Variants in SPPL3 observed in about 807,000 individuals in gnomAD.
The protein encoded by SPPL3 is signal peptide peptidase-like 3.
In SPPL3, 5 loss-of-function variants were observed where a neutral mutation model predicts 42.4. The ratio of observed to expected loss-of-function variants is 0.12; its 90% confidence interval spans 0.06 to 0.25. SPPL3 has a LOEUF of 0.25. SPPL3 is among the 10% of genes least tolerant of loss of function. The pLI, the probability that SPPL3 is intolerant of heterozygous loss-of-function variation, is 1.00. For missense variants in SPPL3, 235 were observed against 489.0 expected, an observed-to-expected ratio of 0.48 and a Z score of 4.90; for synonymous variants, 195 against 181.8, an observed-to-expected ratio of 1.07 and a Z score of -0.58.
intron 1 of SPPL3, among the ~76,000 whole-genome samples, chr12:120,896,316 G>A (rs1196194364): frequency 1.3e-5 from 2 of 152,160 alleles, no homozygotes; most frequent in Non-Finnish European, 2.9e-5. Flanking sequence ...AATAAAATCT[G>A]AGGGGTAACA....
intron 1 of SPPL3, among the ~76,000 whole-genome samples, chr12:120,852,701 T>TC (rs1566060803): frequency 5.2e-5 from 1 of 19,164 alleles, no homozygotes; most frequent in Non-Finnish European, 1.9e-4. Context: ...ATACATATTT[T>TC]ACATATATGA....
chr12:120,766,911 T>A (rs889041240), intron 9 of SPPL3, among the ~76,000 whole-genome samples: 1 of 152,222 alleles, frequency 6.6e-6, no homozygotes, highest in Non-Finnish European at 1.5e-5. Context: ...TTCCAGTCAC[T>A]GTGCGGGAGC....
chr12:120,839,885 G>A (rs1427113780), intron 1 of SPPL3, among the ~76,000 whole-genome samples: 1 of 152,034 alleles, frequency 6.6e-6, no homozygotes, highest in Non-Finnish European at 1.5e-5. Flanking sequence ...CAAAGCAGCA[G>A]TACTCACGAT....
Position 120,897,160 on chromosome 12 carries a change from G to A in SPPL3, c.23+6685C>T, listed in dbSNP as rs114802373. ...GACACATCACAATCCAATGGCATTT[G>A]TCATCTCTAAAATAAATGATCACGT... On this transcript the variant is annotated intron_variant, in intron 1 of 10. Coordinates refer to ENST00000353487, the MANE Select transcript of SPPL3 (RefSeq NM_139015.5). Among the ~76,000 whole-genome samples, 945 of 152,228 alleles carry A rather than the reference G, an allele frequency of 6.2e-3. 16 individuals are homozygous for A. The highest frequency in any genetic ancestry group is 0.022 in the African/African-American group (904 of 41,532).
intron 6 of SPPL3, among the ~76,000 whole-genome samples, chr12:120,779,424 G>GTAAC (rs1869445576): frequency 6.6e-6 from 1 of 152,140 alleles, no homozygotes. Flanking sequence ...TTTGGAGTAG[G>GTAAC]TAACAGGAAT....
intron 1 of SPPL3, among the ~76,000 whole-genome samples, chr12:120,872,889 T>G (rs1410916906): frequency 6.6e-6 from 1 of 152,200 alleles, no homozygotes; most frequent in Admixed American, 6.5e-5. Flanking sequence ...CTTATCTGTG[T>G]GACCAAATAC....
chr12:120,855,697 A>AAC (rs1462181507), intron 1 of SPPL3, among the ~76,000 whole-genome samples: 1 of 151,742 alleles, frequency 6.6e-6, no homozygotes, highest in East Asian at 1.9e-4. Flanking sequence ...TCCATCTCAA[A>AAC]AAAAAAAAAG....
intron 1 of SPPL3, among the ~76,000 whole-genome samples, chr12:120,814,824 G>A (rs1490116237): frequency 6.6e-6 from 1 of 151,970 alleles, no homozygotes; most frequent in Admixed American, 6.6e-5. Context: ...TTATGAAATA[G>A]GTAGAATATT....
rs142424551 is a variant in SPPL3, at chr12:120,766,365, G to C, written c.981C>G (p.Leu327=). The C allele has an allele frequency of 6.3e-7, 1 of 1,584,420 alleles. No homozygotes were observed. Among genetic ancestry groups the C allele is most frequent in the Non-Finnish European group, 8.6e-7 (1 of 1,165,810 alleles). ...CTLIGYFVGL[L]TATVASRIHR... ...GAATGCGAGACGCCACAGTAGCAGT[G>C]AGCAGGCCTGTGAGGAGAGAGAGGC... Residue 327 remains leucine (L), a synonymous_variant, in exon 10 of 11, where the codon CTC becomes CTG. Transcript: ENST00000353487.
rs1251801310 is a variant in SPPL3, at chr12:120,764,637, T to C, written c.*362A>G. 5 of 384,088 alleles carry C rather than the reference T, an allele frequency of 1.3e-5. No homozygotes were observed. Among genetic ancestry groups the C allele is most frequent in the Non-Finnish European group, 2.3e-5 (5 of 217,376 alleles). 23.8% of individuals were successfully genotyped at this position (384,088 alleles called of 1,614,324 possible). On this transcript the variant is annotated 3_prime_UTR_variant, in exon 11 of 11. Transcript: ENST00000353487. ...GCTAATTTTTTTCATCCTTTTAGTG[T>C]TCAAAAGTTCTAGAAAGACTCCTCG...
intron 2 of SPPL3, among the ~76,000 whole-genome samples, chr12:120,800,453 A>T (rs921354251): frequency 6.6e-6 from 1 of 152,268 alleles, no homozygotes; most frequent in East Asian, 1.9e-4. Context: ...CAGTGAACTG[A>T]GATCACACCA....
intron 1 of SPPL3, among the ~76,000 whole-genome samples, chr12:120,836,337 G>C (rs1871619444): frequency 6.6e-6 from 1 of 152,150 alleles, no homozygotes; most frequent in Non-Finnish European, 1.5e-5. Context: ...AAGCTGGCAT[G>C]CAAGGAAGTC....
chr12:120,775,473 A>G (rs1470466271), intron 6 of SPPL3, among the ~76,000 whole-genome samples: 1 of 152,168 alleles, frequency 6.6e-6, no homozygotes, highest in Non-Finnish European at 1.5e-5. Flanking sequence ...TTTAAAACAA[A>G]ATATCAATTG....
chr12:120,764,390 T>G lies in SPPL3; in HGVS notation c.*609A>C, dbSNP rs1048229632. 6.5e-6 allele frequency: 1 copy of G among 153,046 alleles called. No individual in the cohort carries two copies. Among genetic ancestry groups the G allele is most frequent in the Non-Finnish European group, 1.5e-5 (1 of 68,346 alleles). The allele number at this position is 153,046 out of a possible 1,614,324, so 9.5% of individuals were successfully genotyped here. A position where few individuals can be genotyped will look rare whatever the true frequency, so the allele number is the denominator to read the frequency against. ...TGCCAACACAACATCTGGGTGGACA[T>G]GAACTCATTACAACAAATTCTTATG... On this transcript the variant is annotated 3_prime_UTR_variant, in exon 11 of 11. Transcript: ENST00000353487.
At chr12:120,883,426 T>C (rs1347970594) in intron 1 of SPPL3, among the ~76,000 whole-genome samples, 1 of 152,218 alleles carries the variant, frequency 6.6e-6, no homozygotes, top group Non-Finnish European at 1.5e-5. Flanking sequence ...GGAGACTATC[T>C]TCAAGACTTC....
rs1217554932 is a variant in SPPL3 at position 120,823,382 on chromosome 12, T to C, written c.24-12496A>G. Among the ~76,000 whole-genome samples, 4 of 152,074 alleles carry C rather than the reference T, an allele frequency of 2.6e-5. No individual in the cohort carries two copies. In the East Asian group the frequency reaches 7.7e-4, roughly 29 times the overall value. ...ATCCCCAGCACTCCATGGAATTTGC[T>C]CTCCCCAAGATCATCAACAATCTTG... On this transcript the variant is annotated intron_variant, in intron 1 of 10. Transcript: ENST00000353487.
intron 1 of SPPL3, among the ~76,000 whole-genome samples, chr12:120,873,806 A>C (rs1370435176): frequency 6.6e-6 from 1 of 152,242 alleles, no homozygotes; most frequent in South Asian, 2.1e-4. Context: ...CGGGAGGCGG[A>C]GGTTGCAGTG....
At chr12:120,900,510 T>C (rs1468483852) in intron 1 of SPPL3, among the ~76,000 whole-genome samples, 2 of 146,186 alleles carry the variant, frequency 1.4e-5, no homozygotes, top group African/African-American at 5.1e-5. Flanking sequence ...GAGGCTGAGG[T>C]GGGAGGATCG....
At chr12:120,787,359 G>A (rs988630249) in intron 3 of SPPL3, among the ~76,000 whole-genome samples, 5 of 152,128 alleles carry the variant, frequency 3.3e-5, no homozygotes, top group African/African-American at 1.2e-4. Context: ...GGGTGTACAT[G>A]GCTTTTTAAA....
Sources: allele counts gnomAD v4.1 joint callset (sites outside exome capture counted in the v4.1 genomes callset), GRCh38; gene constraint gnomAD v4.1.1; transcripts MANE v1.5; gene names NCBI Gene and HGNC (gene_info 2026-07-23, HGNC 2026-07-21).